COL5A2: variants seen among roughly 807,000 people sequenced by gnomAD.
COL5A2 encodes the protein collagen type V alpha 2 chain.
In COL5A2, 23 loss-of-function variants were observed where a neutral mutation model predicts 208.2. The observed-to-expected ratio is 0.11, with a 90% CI of 0.08 to 0.16. The LOEUF is 0.16. Ranked by LOEUF, COL5A2 falls within the 10% of genes least tolerant of loss-of-function variation. The probability of loss-of-function intolerance (pLI) is 1.00; values close to 1 mark genes in which losing one functional copy is unlikely to be tolerated. For missense variants in COL5A2, 1,590 were observed against 1,956.4 expected (o/e 0.81, Z 3.53); for synonymous variants, 625 against 628.5 (o/e 0.99, Z 0.08).
At chr2:189,384,008 A>AT in the COL5A2 span, among the ~76,000 whole-genome samples, 2 of 151,772 alleles carry the variant, frequency 1.3e-5, no homozygotes, top group East Asian at 3.9e-4. Context: ...AACATGCAAT[A>AT]TTTTTCTTGC....
intron 1 of COL5A2, among the ~76,000 whole-genome samples, chr2:189,178,315 T>G (rs1688715394): frequency 6.6e-6 from 1 of 152,148 alleles, no homozygotes; most frequent in Non-Finnish European, 1.5e-5. Context: ...TAGATTAATT[T>G]TATAAACTTT....
At chr2:189,245,566 G>C in the COL5A2 span, among the ~76,000 whole-genome samples, 1 of 148,972 alleles carries the variant, frequency 6.7e-6, no homozygotes, top group African/African-American at 2.5e-5. Flanking sequence ...CTCACTGCAA[G>C]CTCCGCCTCC....
rs1167216293 is a variant in COL5A2, at chr2:189,218,745, G to C, written c.-42+6403C>G. Among the ~76,000 whole-genome samples, 4 of 152,226 alleles carry C rather than the reference G, an allele frequency of 2.6e-5. No homozygotes were observed. In the East Asian group the frequency reaches 7.7e-4, roughly 29 times the overall value. ...TTCCAGTCATCAGCTGTGTACAATT[G>C]AATTGGAACATTAGGTTCTCATTGA... On this transcript the variant is annotated intron_variant, in intron 1 of 10. Transcript: ENST00000649966.
chr2:189,101,284 C>T (rs1241401953), intron 3 of COL5A2, among the ~76,000 whole-genome samples: 2 of 151,868 alleles, frequency 1.3e-5, no homozygotes, highest in East Asian at 3.9e-4. Context: ...TATAAAAATA[C>T]TATGTGTTCA....
intron 1 of COL5A2, among the ~76,000 whole-genome samples, chr2:189,218,521 T>C (rs1689307085): frequency 1.3e-5 from 2 of 152,170 alleles, no homozygotes; most frequent in South Asian, 2.1e-4. Flanking sequence ...ATATCAAATT[T>C]CTACAATCCA....
chr2:189,104,906 T>C (rs1479798780), intron 2 of COL5A2, among the ~76,000 whole-genome samples: 6 of 151,826 alleles, frequency 4.0e-5, no homozygotes, highest in Non-Finnish European at 7.4e-5. Flanking sequence ...ATATAGTTTC[T>C]TTATTGTTTT....
chr2:189,185,610 C>T (rs1688841940), intron 1 of COL5A2, among the ~76,000 whole-genome samples: 1 of 152,178 alleles, frequency 6.6e-6, no homozygotes, highest in Admixed American at 6.5e-5. Flanking sequence ...CCATTGCCTC[C>T]CCTGACAAAT....
intron 9 of COL5A2, 94 bp downstream of exon 9, chr2:189,086,632 C>T: frequency 2.0e-6 from 2 of 977,064 alleles, no homozygotes; most frequent in Non-Finnish European, 3.1e-6. Context: ...ATTTTAAAAC[C>T]AGCCAAAAGC....
At chr2:189,221,494 G>A (rs1334301268) in intron 1 of COL5A2, among the ~76,000 whole-genome samples, 3 of 152,048 alleles carry the variant, frequency 2.0e-5, no homozygotes, top group Non-Finnish European at 4.4e-5. Context: ...TTGGGGAAGA[G>A]GGGTGGGATG....
the COL5A2 span, among the ~76,000 whole-genome samples, chr2:189,236,338 A>G: frequency 2.6e-5 from 4 of 151,928 alleles, no homozygotes; most frequent in East Asian, 7.7e-4. Context: ...GTTGCTATGA[A>G]TATTCTTGCA....
At chr2:189,399,432 G>A in the COL5A2 span, among the ~76,000 whole-genome samples, 1 of 151,726 alleles carries the variant, frequency 6.6e-6, no homozygotes, top group East Asian at 1.9e-4. Flanking sequence ...AGTATTTTTA[G>A]TAGAGACAGG....
the COL5A2 span, among the ~76,000 whole-genome samples, chr2:189,371,838 C>A: frequency 6.6e-6 from 1 of 152,116 alleles, no homozygotes; most frequent in Non-Finnish European, 1.5e-5. Context: ...AAATAAAAAC[C>A]ATTTTCAGGA....
In COL5A2 at chr2:189,034,907, A is replaced by G. The variant is rs776352996; in HGVS notation, c.4353+9T>C. On this transcript the variant is annotated intron_variant, in intron 53 of 53. Transcript: ENST00000374866. The stretch of plus-strand genomic sequence containing the variant: ...TCAACCAGATCAATGTAGATCAAAA[A>G]GTACTTACAGAGCAAGTGTCTTGAA... 6 of 1,613,856 alleles carry G rather than the reference A, an allele frequency of 3.7e-6. No homozygotes were observed. Among genetic ancestry groups the G allele is most frequent in the Non-Finnish European group, 5.1e-6 (6 of 1,179,812 alleles).
the COL5A2 span, among the ~76,000 whole-genome samples, chr2:189,330,164 A>G: frequency 2.6e-5 from 4 of 152,188 alleles, no homozygotes; most frequent in African/African-American, 9.7e-5. Flanking sequence ...AGCAAACGGC[A>G]GGGGCAGGGC....
the COL5A2 span, among the ~76,000 whole-genome samples, chr2:189,283,174 A>C: frequency 6.6e-6 from 1 of 151,964 alleles, no homozygotes; most frequent in African/African-American, 2.4e-5. Context: ...GACTTGTTTG[A>C]AAATAAAGAG....
At chr2:189,285,292 C>T in the COL5A2 span, among the ~76,000 whole-genome samples, 1 of 151,986 alleles carries the variant, frequency 6.6e-6, no homozygotes, top group African/African-American at 2.4e-5. Flanking sequence ...CAAAACTTTC[C>T]CCAAGGCTCG....
intron 1 of COL5A2, among the ~76,000 whole-genome samples, chr2:189,165,894 G>A (rs1183246522): frequency 6.6e-6 from 1 of 152,166 alleles, no homozygotes; most frequent in Non-Finnish European, 1.5e-5. Flanking sequence ...AGGCCTAGTT[G>A]ACGGAATATG....
At chr2:189,218,772 G>A (rs1329554813) in intron 1 of COL5A2, among the ~76,000 whole-genome samples, 3 of 152,132 alleles carry the variant, frequency 2.0e-5, no homozygotes, top group Non-Finnish European at 1.5e-5. Context: ...TCTCATTGAC[G>A]CCTAGTCAAA....
chr2:189,410,173 CTACATA>C, the COL5A2 span, among the ~76,000 whole-genome samples: 1 of 152,110 alleles, frequency 6.6e-6, no homozygotes, highest in Non-Finnish European at 1.5e-5. Context: ...ACATAACTTT[CTACATA>C]TACACTTTGA....
Sources: gnomAD v4.1 joint callset for allele counts (sites outside exome capture counted in the v4.1 genomes callset) on GRCh38, gnomAD v4.1.1 for gene constraint, MANE v1.5 for transcripts, NCBI Gene and HGNC (gene_info 2026-07-23, HGNC 2026-07-21) for gene names.